The following IFT140 variants were observed in gnomAD, a reference collection of about 807,000 sequenced individuals.
The protein encoded by IFT140 is intraflagellar transport protein 140 homolog.
IFT140 carries 133 observed loss-of-function variants against 164.6 expected under a neutral mutation model. That is an observed-to-expected ratio of 0.81 (90% CI 0.70 to 0.93). The LOEUF (loss-of-function observed/expected upper bound fraction) is 0.93. Among genes scored for constraint, IFT140 ranks in the 40% least tolerant of loss-of-function variants. The pLI is 0.00. For missense variants in IFT140, 2,045 were observed against 1,972.3 expected (o/e 1.04, Z -0.70); for synonymous variants, 860 against 817.3 (o/e 1.05, Z -0.89).
At chr16:1,611,813 C>CAA (rs553272330) in intron 1 of IFT140, among the ~76,000 whole-genome samples, 155 bp downstream of exon 1, 3 of 81,900 alleles carry the variant, frequency 3.7e-5, no homozygotes, top group African/African-American at 1.5e-4. Context: ...AACTCCGTCT[C>CAA]AAAAAAAAAA....
chr16:1,568,061 G>C (rs560810713), intron 15 of IFT140, among the ~76,000 whole-genome samples, 156 bp downstream of exon 15: 3 of 152,290 alleles, frequency 2.0e-5, no homozygotes, highest in South Asian at 4.1e-4. Context: ...GGGAGGGAGA[G>C]ACCCGGGGAG....
At chr16:1,594,714 A>G (rs2141947380) in intron 4 of IFT140, among the ~76,000 whole-genome samples, 1 of 152,320 alleles carries the variant, frequency 6.6e-6, no homozygotes, top group African/African-American at 2.4e-5. Flanking sequence ...ACGGCTCCAC[A>G]GGGACAGCCG....
At chr16:1,555,880 G>C (rs1354294297) in intron 19 of IFT140, among the ~76,000 whole-genome samples, 1 of 152,204 alleles carries the variant, frequency 6.6e-6, no homozygotes, top group African/African-American at 2.4e-5. Flanking sequence ...GAGGCGGGCA[G>C]ATCATGAGGT....
chr16:1,517,077 G>A (rs554080769), intron 30 of IFT140, among the ~76,000 whole-genome samples: 52 of 152,064 alleles, frequency 3.4e-4, no homozygotes, highest in Non-Finnish European at 6.3e-4. Flanking sequence ...AAAAGGAATA[G>A]AAGGGAACTT....
intron 19 of IFT140, among the ~76,000 whole-genome samples, chr16:1,544,135 A>T (rs1224726845): frequency 6.7e-6 from 1 of 149,788 alleles, no homozygotes; most frequent in Non-Finnish European, 1.5e-5. Context: ...CTCCTGCCTC[A>T]GCCTCCCGTG....
At chr16:1,541,514 G>C in intron 19 of IFT140, 1 of 985,360 alleles carries the variant, frequency 1.0e-6, no homozygotes, top group African/African-American at 1.7e-5. Context: ...CCCTCGTCTT[G>C]GATGCTGTGA....
chr16:1,600,358 T>A (rs1441012518), intron 4 of IFT140, among the ~76,000 whole-genome samples: 1 of 142,264 alleles, frequency 7.0e-6, no homozygotes, highest in Admixed American at 7.1e-5. Context: ...CAGAGACCTT[T>A]GTTCACTTGT....
chr16:1,547,834 C>T (rs534108230), intron 19 of IFT140, among the ~76,000 whole-genome samples: 19 of 152,316 alleles, frequency 1.2e-4, no homozygotes, highest in Middle Eastern at 3.4e-3. Flanking sequence ...CTGTGCCTGG[C>T]AAATCATCTA....
chr16:1,570,667 C>T (rs531061262), intron 14 of IFT140, among the ~76,000 whole-genome samples: 4 of 152,326 alleles, frequency 2.6e-5, no homozygotes, highest in Admixed American at 6.5e-5. Context: ...ACTTTCCCCC[C>T]ACACCCTTTA....
rs559750583 is a variant in IFT140 at position 1,590,200 on chromosome 16, CAAAAAAAAAAA to C, written c.635-431_635-421del. On this transcript the variant is annotated intron_variant, in intron 6 of 30. Coordinates refer to ENST00000426508, the MANE Select transcript of IFT140 (RefSeq NM_014714.4). ...TAGGCGACAGAGCAAGACTCTGTCT[CAAAAAAAAAAA>C]AAAAAAAAAAATTAAAAATGAAGCA... 4.5e-3 allele frequency among the ~76,000 whole-genome samples: 354 copies of C among 78,314 alleles called. 1 individual carries two copies. The highest frequency in any genetic ancestry group is 0.014 in the African/African-American group (333 of 23,230). 51.4% of individuals were successfully genotyped at this position (78,314 alleles called of 152,430 possible).
intron 13 of IFT140, among the ~76,000 whole-genome samples, chr16:1,575,300 A>C (rs1232571083): frequency 6.6e-6 from 1 of 152,020 alleles, no homozygotes; most frequent in Non-Finnish European, 1.5e-5. Flanking sequence ...AATTGACCCC[A>C]GGAGTTTGAG....
chr16:1,518,645 C>T (rs2040433411), intron 29 of IFT140, among the ~76,000 whole-genome samples: 1 of 151,906 alleles, frequency 6.6e-6, no homozygotes. Context: ...GGCTAGAAAC[C>T]TCTGCACAAA....
chr16:1,561,180 C>T (rs762360914), intron 18 of IFT140, among the ~76,000 whole-genome samples: 1 of 152,242 alleles, frequency 6.6e-6, no homozygotes, highest in Non-Finnish European at 1.5e-5. Flanking sequence ...GAGCAGCTCT[C>T]TCAGAGCCAG....
intron 13 of IFT140, chr16:1,580,281 G>A (rs971470510): frequency 1.3e-5 from 2 of 153,056 alleles, no homozygotes; most frequent in Admixed American, 6.5e-5. Flanking sequence ...CCCATCTAGC[G>A]AGGTGATATG....
intron 19 of IFT140, among the ~76,000 whole-genome samples, chr16:1,543,853 TCGGAAATG>T (rs2031893968): frequency 6.6e-6 from 1 of 152,106 alleles, no homozygotes; most frequent in East Asian, 1.9e-4. Context: ...CGTGCAGGAA[TCGGAAATG>T]CCGTGGCTTA....
Position 1,519,566 on chromosome 16 carries a change from C to T in IFT140, c.4040+315G>A, listed in dbSNP as rs145443182. 5.3e-3 allele frequency among the ~76,000 whole-genome samples: 807 copies of T among 152,250 alleles called. 2 individuals carry two copies. The highest frequency in any genetic ancestry group is 9.0e-3 in the African/African-American group (373 of 41,540). On this transcript the variant is annotated intron_variant, in intron 29 of 30. Transcript: ENST00000426508. ...GGCACTCACTCAGGACTCCCCTGCC[C>T]GGCCCCTGCACACCCTCAGCAGGTC...
At chr16:1,567,514 T>C (rs1228647425) in intron 15 of IFT140, among the ~76,000 whole-genome samples, 1 of 152,188 alleles carries the variant, frequency 6.6e-6, no homozygotes, top group Non-Finnish European at 1.5e-5. Flanking sequence ...CGCAGTGCTG[T>C]GCAGTTCCAC....
At chr16:1,525,669 C>G (rs1235842377) in intron 21 of IFT140, among the ~76,000 whole-genome samples, 4 of 152,258 alleles carry the variant, frequency 2.6e-5, no homozygotes, top group African/African-American at 7.2e-5. Flanking sequence ...AGACATCTTT[C>G]TGTCTCCTGC....
chr16:1,557,158 G>A (rs192946409), intron 19 of IFT140, among the ~76,000 whole-genome samples: 1 of 152,296 alleles, frequency 6.6e-6, no homozygotes, highest in Non-Finnish European at 1.5e-5. Flanking sequence ...GTCAATTATG[G>A]TCTGCGACTA....
Sources: gnomAD v4.1 joint callset for allele counts (sites outside exome capture counted in the v4.1 genomes callset) on GRCh38, gnomAD v4.1.1 for gene constraint, MANE v1.5 for transcripts, NCBI Gene and HGNC (gene_info 2026-07-23, HGNC 2026-07-21) for gene names.